The following CNIH3 variants were observed in gnomAD, a reference collection of about 807,000 sequenced individuals.
CNIH3 encodes cornichon family AMPA receptor auxiliary protein 3.
In CNIH3, 14 loss-of-function variants were observed where a neutral mutation model predicts 24.1. That is an observed-to-expected ratio of 0.58 (90% confidence interval 0.38 to 0.91). CNIH3 has a LOEUF of 0.91. Among genes scored for constraint, CNIH3 ranks in the 40% least tolerant of loss-of-function variants. The pLI is 0.00. For missense variants in CNIH3, 178 were observed against 196.8 expected, an observed-to-expected ratio of 0.90 and a Z score of 0.57; for synonymous variants, 68 against 73.8, an observed-to-expected ratio of 0.92 and a Z score of 0.40.
At chr1:224,515,380 T>A (rs1182285546), upstream of CNIH3, among the ~76,000 whole-genome samples, 25 of 152,262 alleles carry the variant, frequency 1.6e-4, no homozygotes, top group Admixed American at 1.6e-3. Context: ...TATTTTAAAA[T>A]GTCTTGTTAA....
At chr1:224,638,926 C>G (rs1684224272) in intron 1 of CNIH3, among the ~76,000 whole-genome samples, 1 of 152,172 alleles carries the variant, frequency 6.6e-6, no homozygotes, top group African/African-American at 2.4e-5. Flanking sequence ...CCTTCCTCCT[C>G]CAGGAAGTTT....
chr1:224,687,406 TA>T (rs1180828426), intron 3 of CNIH3, among the ~76,000 whole-genome samples: 1 of 152,150 alleles, frequency 6.6e-6, no homozygotes, highest in Non-Finnish European at 1.5e-5. Flanking sequence ...CCGACTTTTT[TA>T]TTTTTTGTAG....
chr1:224,452,389 A>T (rs2102966632), intron 1 of CNIH3, among the ~76,000 whole-genome samples: 1 of 151,842 alleles, frequency 6.6e-6, no homozygotes, highest in East Asian at 2.0e-4. Context: ...ACCTCAAGTG[A>T]TCCACCCACT....
chr1:224,515,764 C>T (rs1004677990), upstream of CNIH3: 3 of 152,246 alleles, frequency 2.0e-5, no homozygotes, highest in South Asian at 2.1e-4. Flanking sequence ...GAACAAGAGC[C>T]GAGAAGTAGA....
At chr1:224,689,482 G>A (rs899859349) in intron 3 of CNIH3, among the ~76,000 whole-genome samples, 1 of 152,210 alleles carries the variant, frequency 6.6e-6, no homozygotes, top group Non-Finnish European at 1.5e-5. Context: ...TGTTTGAGCA[G>A]CATCACACGG....
intron 1 of CNIH3, among the ~76,000 whole-genome samples, chr1:224,438,355 A>G (rs1050257358): frequency 1.3e-5 from 2 of 151,908 alleles, no homozygotes; most frequent in Non-Finnish European, 2.9e-5. Context: ...ACCACTCCTG[A>G]CCCCAAGACA....
intron 3 of CNIH3, among the ~76,000 whole-genome samples, chr1:224,726,709 G>A (rs528365132): frequency 6.6e-6 from 1 of 152,200 alleles, no homozygotes; most frequent in African/African-American, 2.4e-5. Flanking sequence ...CCCCCTGGTT[G>A]GAATGAATTG....
chr1:224,735,030 G>A (rs1296110188), intron 5 of CNIH3, among the ~76,000 whole-genome samples: 1 of 152,118 alleles, frequency 6.6e-6, no homozygotes, highest in Non-Finnish European at 1.5e-5. Context: ...AGGGCTTCCT[G>A]CCTCTCACGA....
At chr1:224,687,977 T>C (rs1427498255) in intron 3 of CNIH3, among the ~76,000 whole-genome samples, 7 of 152,178 alleles carry the variant, frequency 4.6e-5, no homozygotes, top group African/African-American at 1.7e-4. Context: ...GCAGACTGGC[T>C]GGTGTCAGGG....
chr1:224,655,700 C>T (rs534340962), intron 1 of CNIH3, among the ~76,000 whole-genome samples: 29 of 152,244 alleles, frequency 1.9e-4, no homozygotes, highest in Admixed American at 5.9e-4. Flanking sequence ...CTATGGAAAG[C>T]CAATTACTGG....
At chr1:224,639,923 C>T (rs191900063) in intron 1 of CNIH3, among the ~76,000 whole-genome samples, 17 of 152,272 alleles carry the variant, frequency 1.1e-4, no homozygotes, top group Admixed American at 2.6e-4. Context: ...CTTTTGAGGC[C>T]GTAACGATGT....
chr1:224,724,765 G>A (rs1479965871), intron 3 of CNIH3, among the ~76,000 whole-genome samples: 20 of 152,194 alleles, frequency 1.3e-4, no homozygotes, highest in Non-Finnish European at 2.8e-4. Context: ...ACTTGAGGAA[G>A]CTGGAGCTTG....
intron 1 of CNIH3, among the ~76,000 whole-genome samples, chr1:224,670,698 C>G (rs1685821493): frequency 6.6e-6 from 1 of 152,100 alleles, no homozygotes; most frequent in African/African-American, 2.4e-5. Context: ...TGTGGGATGC[C>G]ATGACTCATG....
At chr1:224,645,296 G>T (rs774473071) in intron 1 of CNIH3, among the ~76,000 whole-genome samples, 11 of 152,126 alleles carry the variant, frequency 7.2e-5, no homozygotes, top group Non-Finnish European at 1.5e-4. Flanking sequence ...TTGGTGTCTG[G>T]CCATTACTTG....
chr1:224,514,634 C>G (rs1194410043), upstream of CNIH3, among the ~76,000 whole-genome samples: 1 of 152,164 alleles, frequency 6.6e-6, no homozygotes, highest in African/African-American at 2.4e-5. Context: ...AGTTCAAGAA[C>G]AGCCTGAGCA....
Position 224,616,860 on chromosome 1 carries a change from A to C in CNIH3, c.-315A>C. ...GTCGTGTTGGTCTCGAGGGGCTCAC[A>C]GCTTGGCACTAATTTGCAGGTGTTC... On this transcript the variant is annotated 5_prime_UTR_variant, in exon 1 of 6. Transcript: ENST00000272133. 1.7e-6 allele frequency: 2 copies of C among 1,190,658 alleles called. No individual in the cohort carries two copies. 73.8% of individuals were successfully genotyped at this position (1,190,658 alleles called of 1,614,324 possible). A position where few individuals can be genotyped will look rare whatever the true frequency, so the allele number is the denominator to read the frequency against.
At chr1:224,567,923 T>A (rs1192675686) in intron 4 of CNIH3, among the ~76,000 whole-genome samples, 2 of 152,216 alleles carry the variant, frequency 1.3e-5, no homozygotes, top group African/African-American at 4.8e-5. Flanking sequence ...TCTGATCCTG[T>A]GGCATTCTTC....
chr1:224,457,941 G>C (rs1172986491), intron 1 of CNIH3, among the ~76,000 whole-genome samples: 3 of 152,222 alleles, frequency 2.0e-5, no homozygotes, highest in Non-Finnish European at 4.4e-5. Context: ...GGTCCCTAGA[G>C]AGTGCAGCTA....
chr1:224,720,911 A>G (rs896903483), intron 3 of CNIH3, among the ~76,000 whole-genome samples: 2 of 152,192 alleles, frequency 1.3e-5, no homozygotes, highest in African/African-American at 4.8e-5. Flanking sequence ...GAATGAAAGG[A>G]TGGCTCTGAG....
Sources: allele counts gnomAD v4.1 joint callset (sites outside exome capture counted in the v4.1 genomes callset), GRCh38; gene constraint gnomAD v4.1.1; transcripts MANE v1.5; gene names NCBI Gene and HGNC (gene_info 2026-07-23, HGNC 2026-07-21).